Variants in CCDC124 observed in about 807,000 individuals in gnomAD.
CCDC124 encodes the protein coiled-coil domain-containing protein 124.
Under a neutral mutation model 19.8 loss-of-function variants are expected in CCDC124, and 9 were observed. The observed-to-expected ratio is 0.45, with a 90% confidence interval of 0.27 to 0.79. The LOEUF is 0.79. CCDC124 is among the 30% of genes least tolerant of loss of function. The pLI is 0.14. For synonymous variants in CCDC124, 126 were observed against 131.3 expected (o/e 0.96, Z 0.27); for missense variants, 285 against 319.0 (o/e 0.89, Z 0.81).
chr19:17,943,844 C>T lies in CCDC124; in HGVS notation c.*129C>T, dbSNP rs1301491580. The T allele has an allele frequency of 2.3e-6, 2 of 862,082 alleles. No individual in the cohort carries two copies. The highest frequency in any genetic ancestry group is 1.7e-5 in the African/African-American group (1 of 58,698). 53.4% of individuals were successfully genotyped at this position (862,082 alleles called of 1,614,324 possible). On this transcript the variant is annotated 3_prime_UTR_variant, in exon 5 of 5. Coordinates refer to ENST00000445755, the MANE Select transcript of CCDC124 (RefSeq NM_001136203.2). ...CAAGGCGCCGGGCCCCGGGGCCATG[C>T]TCTTATCACCAGCCACCCGTCCTCC...
chr19:17,935,430 T>A (rs2031038822), intron 1 of CCDC124, among the ~76,000 whole-genome samples: 2 of 152,102 alleles, frequency 1.3e-5, no homozygotes, highest in Admixed American at 1.3e-4. Context: ...TACACCTTTT[T>A]TTTTTTTTGA....
In CCDC124 at chr19:17,942,724, G is replaced by C; in HGVS notation, c.228G>C (p.Glu76Asp). The C allele has an allele frequency of 6.4e-7, 1 of 1,552,116 alleles. No individual in the cohort carries two copies. Among genetic ancestry groups the C allele is most frequent in the South Asian group, 1.2e-5 (1 of 84,192 alleles). ...AGGAGACGCAGCGCCTACTGGAGGA[G>C]GAGGACTCCAAGCTCAAGGGCGGCA... ...RKKETQRLLE[E>D]EDSKLKGGKA... The change falls in exon 3 of 5, where the codon GAG becomes GAC. Residue 76 changes from glutamate (E) to aspartate (D), a missense_variant. Coordinates refer to ENST00000445755, the MANE Select transcript of CCDC124 (RefSeq NM_001136203.2). The surrounding 1 kb of genome is among the most constrained non-coding windows in gnomAD (Gnocchi z 4.2).
chr19:17,940,388 A>G (rs77148641), intron 2 of CCDC124, among the ~76,000 whole-genome samples: 3,285 of 152,236 alleles, frequency 0.022, 118 homozygotes, highest in African/African-American at 0.076. Flanking sequence ...AGGGCCAGAC[A>G]GGAAGCCACT....
At chr19:17,933,495 C>A (rs2030990256) in intron 1 of CCDC124, among the ~76,000 whole-genome samples, 1 of 152,156 alleles carries the variant, frequency 6.6e-6, no homozygotes, top group African/African-American at 2.4e-5. Flanking sequence ...GTGCCCCTCG[C>A]CCAGCCTGAG....
In CCDC124 at chr19:17,941,671, C is replaced by T. The variant is rs571100120; in HGVS notation, c.160-985C>T. On this transcript the variant is annotated intron_variant, in intron 2 of 4. Transcript: ENST00000445755. ...GCACTCCAACAGCCTTGACTTTAACCGCCCCCTCCACTTTCCTGCTGTGCT... is the reference window on the plus strand; with the variant it reads ...GCACTCCAACAGCCTTGACTTTAACTGCCCCCTCCACTTTCCTGCTGTGCT... 3.2e-4 allele frequency among the ~76,000 whole-genome samples: 49 copies of T among 152,262 alleles called. 1 individual carries two copies. In the South Asian group the frequency reaches 7.9e-3, roughly 24 times the overall value.
Position 17,943,333 on chromosome 19 carries a change from G to T in CCDC124, c.422G>T (p.Ser141Ile), listed in dbSNP as rs149667982. The T allele has an allele frequency of 1.3e-5, 20 of 1,594,480 alleles. No homozygotes were observed. The African/African-American group carries it at 2.6e-4, about 20-fold the overall frequency. The change falls in exon 4 of 5, where the codon AGC (serine) becomes ATC (isoleucine). Residue 141 changes from serine to isoleucine, a missense_variant. Ser to Ile is a moderately radical substitution (Grantham distance 142, BLOSUM62 -2). Transcript: ENST00000445755. The stretch of plus-strand genomic sequence containing the variant: ...AACCGCCGCGTGCTGGAGGAGGGCA[G>T]CGTGGAGGCGCGCACCATCGAGGAC... ...NVNRRVLEEG[S>I]VEARTIEDAI...
rs2031240600 is a variant in CCDC124, at chr19:17,943,543, G to A, written c.500G>A (p.Arg167Lys). 6.2e-7 allele frequency: 1 copy of A among 1,612,506 alleles called. No individual in the cohort carries two copies. The highest frequency in any genetic ancestry group is 2.2e-5 in the East Asian group (1 of 44,872). Reference sequence around the variant, plus strand: ...GAGGCGGCCGACCGGCACCCAGAAAGACGCATGCGGGCAGCCTTCACAGCC... The same window carrying A: ...GAGGCGGCCGACCGGCACCCAGAAAAACGCATGCGGGCAGCCTTCACAGCC... ...AEEAADRHPERRMRAAFTAFE... is the reference protein window; with the variant it reads ...AEEAADRHPEKRMRAAFTAFE... The change falls in exon 5 of 5, where the codon AGA becomes AAA. Residue 167 changes from arginine to lysine, a missense_variant. Transcript: ENST00000445755.
At position 17,943,866 on chromosome 19, in the gene CCDC124, C is replaced by T. The variant is rs929850626; in HGVS notation, c.*151C>T. 1 of 724,908 alleles carries T rather than the reference C, an allele frequency of 1.4e-6. No homozygotes were observed. The highest frequency in any genetic ancestry group is 2.3e-6 in the Non-Finnish European group (1 of 441,212). 44.9% of individuals were successfully genotyped at this position (724,908 alleles called of 1,614,324 possible). On this transcript the variant is annotated 3_prime_UTR_variant, in exon 5 of 5. Transcript: ENST00000445755. ...ATGCTCTTATCACCAGCCACCCGTCCTCCCGCCAGAGGGTCCCTGCCCCGA... is the reference window on the plus strand; with the variant it reads ...ATGCTCTTATCACCAGCCACCCGTCTTCCCGCCAGAGGGTCCCTGCCCCGA...
chr19:17,941,915 C>A (rs2031191620), intron 2 of CCDC124, among the ~76,000 whole-genome samples: 1 of 152,132 alleles, frequency 6.6e-6, no homozygotes, highest in South Asian at 2.1e-4. Context: ...GACCAGGGCC[C>A]TGCAGGAGTG....
chr19:17,938,297 G>A (rs2031105252), intron 2 of CCDC124, among the ~76,000 whole-genome samples: 1 of 152,282 alleles, frequency 6.6e-6, no homozygotes, highest in East Asian at 1.9e-4. Context: ...CTATAATCGT[G>A]CTACTGTACT....
chr19:17,941,453 A>T (rs181676450), intron 2 of CCDC124, among the ~76,000 whole-genome samples: 1 of 150,610 alleles, frequency 6.6e-6, no homozygotes, highest in Admixed American at 6.6e-5. Flanking sequence ...CAGAGGTTGC[A>T]GTGAGCCGAG....
Position 17,943,242 on chromosome 19 carries a change from C to CGGGGGGGGGG in CCDC124, c.350-19_350-18insGGGGGGGGGG. ...TTTGCTTATCTCTCTCTGTCTCTGT[C>CGGGGGGGGGG]ACCCACCCACCCGCCCAGCCGAGAA... On this transcript the variant is annotated intron_variant, in intron 3 of 4. Coordinates refer to ENST00000445755, the MANE Select transcript of CCDC124 (RefSeq NM_001136203.2). 12 of 734,676 alleles carry CGGGGGGGGGG rather than the reference C, an allele frequency of 1.6e-5. No individual in the cohort carries two copies. The highest frequency in any genetic ancestry group is 2.4e-5 in the Non-Finnish European group (10 of 419,644). The allele number at this position is 734,676 out of a possible 1,614,324, so 45.5% of individuals were successfully genotyped here.
At chr19:17,941,393 T>C (rs1218712673) in intron 2 of CCDC124, among the ~76,000 whole-genome samples, 2 of 151,714 alleles carry the variant, frequency 1.3e-5, no homozygotes, top group East Asian at 3.9e-4. Flanking sequence ...GCACCTGCAG[T>C]CCCAGCTATT....
chr19:17,933,874 G>A (rs1273606636), intron 1 of CCDC124, among the ~76,000 whole-genome samples: 1 of 152,182 alleles, frequency 6.6e-6, no homozygotes, highest in African/African-American at 2.4e-5. Context: ...AAGCTCATTT[G>A]TGCCACCTCT....
intron 1 of CCDC124, among the ~76,000 whole-genome samples, chr19:17,935,893 A>G (rs2031050272): frequency 6.9e-6 from 1 of 145,080 alleles, no homozygotes; most frequent in African/African-American, 2.6e-5. Flanking sequence ...GGAATTGTCC[A>G]CCTTTAAATT....
chr19:17,938,065 C>T (rs554022830), intron 2 of CCDC124, among the ~76,000 whole-genome samples: 10 of 152,240 alleles, frequency 6.6e-5, no homozygotes, highest in Admixed American at 5.2e-4. Flanking sequence ...CGTCGTTTGG[C>T]GTGGTAGCTC....
rs1327594145 is a variant in CCDC124 at position 17,943,885 on chromosome 19, GC to G, written c.*174del. ...CCCGTCCTCCCGCCAGAGGGTCCCT[GC>G]CCCGAGTGACACCCCATCCCCTCCC... On this transcript the variant is annotated 3_prime_UTR_variant, in exon 5 of 5. Coordinates refer to ENST00000445755, the MANE Select transcript of CCDC124 (RefSeq NM_001136203.2). 2.8e-5 allele frequency: 18 copies of G among 647,468 alleles called. No homozygotes were observed. Among genetic ancestry groups the G allele is most frequent in the Non-Finnish European group, 4.5e-5 (17 of 376,132 alleles). The allele number at this position is 647,468 out of a possible 1,614,324, so 40.1% of individuals were successfully genotyped here.
chr19:17,941,101 G>A (rs1400344214), intron 2 of CCDC124, among the ~76,000 whole-genome samples: 1 of 149,778 alleles, frequency 6.7e-6, no homozygotes, highest in African/African-American at 2.4e-5. Flanking sequence ...GAAGGCAGTT[G>A]GCTAGTTGGC....
intron 1 of CCDC124, among the ~76,000 whole-genome samples, chr19:17,933,953 G>C (rs1268045565): frequency 3.3e-5 from 5 of 152,228 alleles, no homozygotes; most frequent in Non-Finnish European, 7.3e-5. Context: ...AAGTGAGTGA[G>C]TGTTTACTAC....
Sources: gnomAD v4.1 joint callset for allele counts (sites outside exome capture counted in the v4.1 genomes callset) on GRCh38, gnomAD v4.1.1 for gene constraint, Gnocchi (gnomAD v3.1) non-coding constraint, MANE v1.5 for transcripts, NCBI Gene and HGNC (gene_info 2026-07-23, HGNC 2026-07-21) for gene names.